Variants in ITGAE observed in about 807,000 individuals in gnomAD.
ITGAE encodes the protein integrin subunit alpha E, also known as integrin alpha-E.
In ITGAE, 99 loss-of-function variants were observed where a neutral mutation model predicts 136.5. The observed-to-expected ratio is 0.73, with a 90% CI of 0.62 to 0.86. The LOEUF is 0.86. ITGAE is among the 40% of genes least tolerant of loss of function. ITGAE has a pLI of 0.00. For missense variants in ITGAE, 1,447 were observed against 1,515.3 expected (o/e 0.95, Z 0.75); for synonymous variants, 613 against 591.8 (o/e 1.04, Z -0.52).
chr17:3,755,319 G>A, intron 11 of ITGAE, 58 bp from the exon 12 acceptor site: 1 of 1,464,972 alleles, frequency 6.8e-7, no homozygotes, highest in Non-Finnish European at 9.0e-7. Context: ...CCGGGCCACG[G>A]TGGCCGCGGG....
chr17:3,725,979 C>T (rs755038743), intron 26 of ITGAE: 23 of 1,613,716 alleles, frequency 1.4e-5, no homozygotes, highest in Admixed American at 6.7e-5. Context: ...CTGTGGGTTG[C>T]AAGTGAGCAT....
chr17:3,739,352 T>C (rs2051531423), intron 20 of ITGAE, among the ~76,000 whole-genome samples: 1 of 152,228 alleles, frequency 6.6e-6, no homozygotes, highest in Non-Finnish European at 1.5e-5. Flanking sequence ...TTTGTCTGTG[T>C]TGTTCACAGA....
rs988641472 is a variant in ITGAE at position 3,801,123 on chromosome 17, G to A, written c.22C>T (p.Leu8Phe). 6.2e-7 allele frequency: 1 copy of A among 1,612,492 alleles called. No homozygotes were observed. The highest frequency in any genetic ancestry group is 1.3e-5 in the African/African-American group (1 of 75,060). MWLFHTL[L>F]CIASLALLAA... is the part of the protein sequence containing the mutation. ...TGAGAGGACTTACTGGCTATGCAGA[G>A]CAGAGTGTGGAAGAGCCACATCCTT... is the stretch of plus-strand genomic sequence containing the variant. Residue 8 changes from leucine to phenylalanine, a missense_variant, in exon 1 of 31, where the codon CTC (leucine) becomes TTC (phenylalanine). This residue lies in a region of ITGAE where 106 missense variants were observed against 87.8 expected (regional missense o/e 1.21). Coordinates refer to ENST00000263087, the MANE Select transcript of ITGAE (RefSeq NM_002208.5).
intron 17 of ITGAE, among the ~76,000 whole-genome samples, chr17:3,747,502 T>G (rs946123079): frequency 1.1e-4 from 16 of 151,880 alleles, no homozygotes; most frequent in Middle Eastern, 3.4e-3. Flanking sequence ...GTAGAGACGG[T>G]GTTTCACCAT....
At chr17:3,761,551 C>G (rs746614765) in intron 4 of ITGAE, 31 bp from the exon 5 acceptor site, 1 of 1,569,806 alleles carries the variant, frequency 6.4e-7, no homozygotes, top group South Asian at 1.1e-5. Flanking sequence ...TGGGGAAACA[C>G]CAGGTCACCT....
At chr17:3,736,100 G>A (rs992951577) in intron 20 of ITGAE, among the ~76,000 whole-genome samples, 18 of 151,944 alleles carry the variant, frequency 1.2e-4, no homozygotes, top group Non-Finnish European at 2.6e-4. Context: ...CTGAGATCAC[G>A]CCACTATACT....
rs759211249 is a variant in ITGAE, at chr17:3,724,054, G to A, written c.3085-310C>T. 4 of 1,597,060 alleles carry A rather than the reference G, an allele frequency of 2.5e-6. No individual in the cohort carries two copies. In the Admixed American group the frequency reaches 5.0e-5, roughly 20 times the overall value. ...GCGCAGTGGTTCCCGCCGCAGGACC[G>A]GAGGCGTTTCTTCAACAGCAGCGGC... On this transcript the variant is annotated intron_variant, in intron 26 of 30. Coordinates refer to ENST00000263087, the MANE Select transcript of ITGAE (RefSeq NM_002208.5).
chr17:3,756,965 T>C lies in ITGAE; in HGVS notation c.1171+19A>G, dbSNP rs1463047732. The C allele has an allele frequency of 6.2e-7, 1 of 1,603,164 alleles. No homozygotes were observed. The highest frequency in any genetic ancestry group is 1.7e-5 in the Admixed American group (1 of 59,218). On this transcript the variant is annotated intron_variant, in intron 10 of 30. Transcript: ENST00000263087. ...TAGGCTCGGGCCTCCTGCGGTGGCC[T>C]GGGTCCCGGAGCCCTCACCTTCCAT...
At chr17:3,755,925 G>A (rs2052009386) in intron 10 of ITGAE, 28 bp from the exon 11 acceptor site, 1 of 1,573,052 alleles carries the variant, frequency 6.4e-7, no homozygotes, top group Non-Finnish European at 8.6e-7. Flanking sequence ...CAGTGAGACT[G>A]CTGTGGGCCG....
chr17:3,796,052 T>TGTGTGTGTGCATCC (rs1249199825), intron 1 of ITGAE, among the ~76,000 whole-genome samples: 1 of 15,070 alleles, frequency 6.6e-5, no homozygotes, highest in Admixed American at 1.2e-3. Flanking sequence ...TGTGTGCATC[T>TGTGTGTGTGCATCC]GTGTGTGTGC....
intron 2 of ITGAE, among the ~76,000 whole-genome samples, chr17:3,766,128 G>A (rs546605377): frequency 6.6e-6 from 1 of 152,154 alleles, no homozygotes; most frequent in Non-Finnish European, 1.5e-5. Flanking sequence ...GAAAACGGTG[G>A]CATGGGCGAG....
At chr17:3,766,689 C>T (rs1474467324) in intron 2 of ITGAE, among the ~76,000 whole-genome samples, 1 of 151,854 alleles carries the variant, frequency 6.6e-6, no homozygotes, top group Non-Finnish European at 1.5e-5. Flanking sequence ...GTAATCCCAG[C>T]TACTCGGGAG....
At chr17:3,754,264 TTTTA>T (rs954690908) in intron 12 of ITGAE, among the ~76,000 whole-genome samples, 101 of 152,040 alleles carry the variant, frequency 6.6e-4, no homozygotes, top group African/African-American at 2.1e-3. Flanking sequence ...CTATTATTAT[TTTTA>T]TTTATTTATT....
rs1444628769 is a variant in ITGAE, at chr17:3,799,981, T to C, written c.34+1130A>G. 6.6e-6 allele frequency among the ~76,000 whole-genome samples: 1 copy of C among 152,034 alleles called. No homozygotes were observed. Among genetic ancestry groups the C allele is most frequent in the Non-Finnish European group, 1.5e-5 (1 of 68,014 alleles). On this transcript the variant is annotated intron_variant, in intron 1 of 30. Transcript: ENST00000263087. This position sits in a 1 kb window ranked among gnomAD's most constrained non-coding sequence, Gnocchi z 4.1. Reference sequence around the variant, plus strand: ...TAAAAATACAAAAATTAGCCAGGCGTGGTGGCAGGCGCCTGTAATCCCAGC... The same window carrying C: ...TAAAAATACAAAAATTAGCCAGGCGCGGTGGCAGGCGCCTGTAATCCCAGC...
chr17:3,774,420 G>GT (rs1314540976), intron 2 of ITGAE, among the ~76,000 whole-genome samples: 1 of 151,990 alleles, frequency 6.6e-6, no homozygotes, highest in Non-Finnish European at 1.5e-5. Context: ...ACAGCAATAC[G>GT]TAATACATAA....
chr17:3,723,627 C>T (rs1035555135), intron 27 of ITGAE, 61 bp downstream of exon 27: 7 of 1,472,492 alleles, frequency 4.8e-6, no homozygotes, highest in Admixed American at 2.4e-5. Context: ...GTCTCCTGGC[C>T]TCTCGTTACC....
chr17:3,734,032 A>G (rs1469983287), intron 21 of ITGAE, among the ~76,000 whole-genome samples: 1 of 152,218 alleles, frequency 6.6e-6, no homozygotes, highest in African/African-American at 2.4e-5. Context: ...ATAGGGGTTC[A>G]TAATTACCGA....
At chr17:3,731,358 T>C (rs1237824876) in intron 22 of ITGAE, among the ~76,000 whole-genome samples, 175 bp from the exon 23 acceptor site, 1 of 117,776 alleles carries the variant, frequency 8.5e-6, no homozygotes, top group Non-Finnish European at 1.8e-5. Flanking sequence ...TTTTTTTTTT[T>C]TGAGAGGGAG....
At chr17:3,796,780 C>T (rs1446422767) in intron 1 of ITGAE, among the ~76,000 whole-genome samples, 1 of 152,154 alleles carries the variant, frequency 6.6e-6, no homozygotes, top group African/African-American at 2.4e-5. Context: ...TCCCCCAGCA[C>T]ACCGGGCAAT....
Sources: gnomAD v4.1 joint callset for allele counts (sites outside exome capture counted in the v4.1 genomes callset) on GRCh38, gnomAD v4.1.1 for gene constraint, gnomAD v4.1.1 regional missense constraint, Gnocchi (gnomAD v3.1) non-coding constraint, MANE v1.5 for transcripts, NCBI Gene and HGNC (gene_info 2026-07-23, HGNC 2026-07-21) for gene names.